The following RNLS variants were observed in gnomAD, a reference collection of about 807,000 sequenced individuals.
RNLS encodes renalase, FAD dependent amine oxidase, also known as renalase.
RNLS carries 39 observed loss-of-function variants against 39.8 expected under a neutral mutation model. That is an observed-to-expected ratio of 0.98 (90% CI 0.76 to 1.28). The LOEUF is 1.28. Among genes scored for constraint, RNLS ranks in the 50% most tolerant of loss-of-function variants. The pLI is 0.00. For missense variants in RNLS, 410 were observed against 413.3 expected (o/e 0.99, Z 0.07); for synonymous variants, 147 against 150.7 (o/e 0.98, Z 0.18).
intron 5 of RNLS, among the ~76,000 whole-genome samples, chr10:88,355,860 C>A (rs1253468712): frequency 6.6e-6 from 1 of 152,212 alleles, no homozygotes; most frequent in Admixed American, 6.5e-5. Context: ...TGGGCTCCAC[C>A]CAGTTCGAGC....
At chr10:88,356,021 G>T (rs1216283126) in intron 5 of RNLS, among the ~76,000 whole-genome samples, 11 of 152,334 alleles carry the variant, frequency 7.2e-5, no homozygotes, top group East Asian at 3.9e-4. Flanking sequence ...TCTGATCCTT[G>T]CGCGGGATAT....
At chr10:88,215,691 AT>A in the RNLS span, among the ~76,000 whole-genome samples, 6,616 of 95,376 alleles carry the variant, frequency 0.069, 214 homozygotes, top group East Asian at 0.21. Context: ...ACCATCTGTA[AT>A]TTTTTTTTTT....
intron 4 of RNLS, among the ~76,000 whole-genome samples, chr10:88,544,601 C>T (rs567390689): frequency 2.7e-4 from 41 of 152,302 alleles, no homozygotes; most frequent in African/African-American, 7.9e-4. Context: ...TCCCTGCATT[C>T]AGATAATCCA....
At chr10:88,376,847 T>G (rs931090115) in intron 4 of RNLS, among the ~76,000 whole-genome samples, 1 of 152,112 alleles carries the variant, frequency 6.6e-6, no homozygotes, top group African/African-American at 2.4e-5. Context: ...TTTAAAAATA[T>G]CAAAATGGTT....
At chr10:88,287,843 C>T (rs1843384488) in intron 6 of RNLS, among the ~76,000 whole-genome samples, 1 of 151,970 alleles carries the variant, frequency 6.6e-6, no homozygotes, top group Admixed American at 6.6e-5. Context: ...GATCCAATCA[C>T]CTCCCACCAG....
chr10:88,525,621 C>T (rs1847062924), intron 4 of RNLS, among the ~76,000 whole-genome samples: 1 of 152,046 alleles, frequency 6.6e-6, no homozygotes, highest in African/African-American at 2.4e-5. Context: ...AAGAGATCCT[C>T]ATATCTTCCA....
chr10:88,519,481 T>C (rs2134188549), intron 4 of RNLS, among the ~76,000 whole-genome samples: 1 of 150,952 alleles, frequency 6.6e-6, no homozygotes, highest in East Asian at 1.9e-4. Flanking sequence ...TGTTGTTCAT[T>C]TCAAGATGTC....
intron 4 of RNLS, among the ~76,000 whole-genome samples, chr10:88,448,678 C>G (rs908160784): frequency 1.3e-5 from 2 of 152,202 alleles, no homozygotes; most frequent in African/African-American, 4.8e-5. Flanking sequence ...ATAAATCATG[C>G]TGCTATATAG....
chr10:88,202,416 T>G, the RNLS span, among the ~76,000 whole-genome samples: 2 of 152,098 alleles, frequency 1.3e-5, no homozygotes, highest in Non-Finnish European at 2.9e-5. Context: ...ACCTGCACGT[T>G]GTGCACATGT....
At chr10:88,438,289 T>C (rs12782228) in intron 4 of RNLS, among the ~76,000 whole-genome samples, 3,281 of 152,086 alleles carry the variant, frequency 0.022, 53 homozygotes, top group Middle Eastern at 0.041. Flanking sequence ...AAGGAGAAAA[T>C]AGAAAGAACC....
chr10:88,393,143 GC>G (rs1852316918), intron 4 of RNLS, among the ~76,000 whole-genome samples: 1 of 152,276 alleles, frequency 6.6e-6, no homozygotes, highest in Admixed American at 6.5e-5. Context: ...AGACAGGGAT[GC>G]CCTCTCTTAC....
At chr10:88,203,454 GTGTATA>G in the RNLS span, among the ~76,000 whole-genome samples, 4 of 838 alleles carry the variant, frequency 4.8e-3, no homozygotes, top group Non-Finnish European at 8.6e-3. Flanking sequence ...GTGTGTGTGT[GTGTATA>G]TATATATATA....
Position 88,537,544 on chromosome 10 carries a change from G to A in RNLS, c.526+35359C>T, listed in dbSNP as rs147801220. ...GTAAGAATGAACCATTTCTAACTAC[G>A]TGTAACATTAAGAGATTACTCAGAA... On this transcript the variant is annotated intron_variant, in intron 4 of 6. Transcript: ENST00000331772. 1.1e-4 allele frequency among the ~76,000 whole-genome samples: 17 copies of A among 152,242 alleles called. No individual in the cohort carries two copies. The East Asian group carries it at 2.1e-3, about 19-fold the overall frequency.
At chr10:88,372,383 A>G (rs971473822) in intron 4 of RNLS, among the ~76,000 whole-genome samples, 1 of 152,124 alleles carries the variant, frequency 6.6e-6, no homozygotes, top group African/African-American at 2.4e-5. Flanking sequence ...CTGTCCCAGC[A>G]GCCATTGTAA....
rs1241781271 is a variant in RNLS at position 88,319,409 on chromosome 10, T to G, written c.701-4768A>C. On this transcript the variant is annotated intron_variant, in intron 5 of 6. Transcript: ENST00000331772. ...GACACCTCCAAAGTATTTCATTTGCTCTGTAGCAATAGGTCCTAACAAAAA... is the reference window on the plus strand; with the variant it reads ...GACACCTCCAAAGTATTTCATTTGCGCTGTAGCAATAGGTCCTAACAAAAA... 3.9e-5 allele frequency among the ~76,000 whole-genome samples: 6 copies of G among 152,180 alleles called. No individual in the cohort carries two copies. The East Asian group carries it at 1.2e-3, about 29-fold the overall frequency.
chr10:88,303,072 C>CA (rs1844647643), intron 6 of RNLS, among the ~76,000 whole-genome samples: 1 of 152,258 alleles, frequency 6.6e-6, no homozygotes, highest in Non-Finnish European at 1.5e-5. Context: ...TTCCTGGCCA[C>CA]AGTGGCTCCA....
intron 3 of RNLS, among the ~76,000 whole-genome samples, chr10:88,574,818 C>T (rs1331455001): frequency 6.6e-6 from 1 of 152,000 alleles, no homozygotes. Context: ...ATAATTTGCA[C>T]TTTCAACACA....
exon 7 of RNLS, chr10:88,273,865 C>T (rs949262625): frequency 4.3e-4 from 66 of 152,154 alleles, no homozygotes; most frequent in African/African-American, 1.6e-3. Flanking sequence ...TAAAAAATTA[C>T]GTTTCATTAT....
chr10:88,216,129 T>C, the RNLS span, among the ~76,000 whole-genome samples: 1 of 152,230 alleles, frequency 6.6e-6, no homozygotes, highest in Non-Finnish European at 1.5e-5. Flanking sequence ...ATCGTATCTT[T>C]GCAGATAAAA....
Sources: gnomAD v4.1 joint callset for allele counts (sites outside exome capture counted in the v4.1 genomes callset) on GRCh38, gnomAD v4.1.1 for gene constraint, MANE v1.5 for transcripts, NCBI Gene and HGNC (gene_info 2026-07-23, HGNC 2026-07-21) for gene names.